The following CRB3 variants were observed in gnomAD, a reference collection of about 807,000 sequenced individuals.
CRB3 encodes the protein protein crumbs homolog 3.
In CRB3, 4 loss-of-function variants were observed where a neutral mutation model predicts 10.4. The ratio of observed to expected loss-of-function variants is 0.39; its 90% CI spans 0.19 to 0.88. The LOEUF is 0.88. Ranked by LOEUF, CRB3 falls within the 40% of genes least tolerant of loss-of-function variation. CRB3 has a pLI of 0.39. For missense variants in CRB3, 154 were observed against 160.2 expected (o/e 0.96, Z 0.21); for synonymous variants, 74 against 73.4 (o/e 1.01, Z -0.04).
At chr19:6,464,160 A>G (rs2092783948), upstream of CRB3, 1 of 151,792 alleles carries the variant, frequency 6.6e-6, no homozygotes, top group Non-Finnish European at 1.5e-5. The surrounding 1 kb of genome is among the most constrained non-coding windows in gnomAD (Gnocchi z 5.3). Context: ...CCCCTTCTTG[A>G]CTCCGCCCTC....
intron 2 of CRB3, chr19:6,465,006 T>G: frequency 6.1e-5 from 21 of 342,982 alleles, no homozygotes; most frequent in Non-Finnish European, 7.8e-5. Context: ...AGACCTGAGT[T>G]CCCCAGCGAG....
rs2145163379 is a variant in CRB3 at position 6,466,706 on chromosome 19, C to T, written c.*34C>T. ...GCCTGCTGCAGCCACCAACACTGCCCAGGACTGCGGGTTGCTGGCTTGTAC... is the reference window on the plus strand; with the variant it reads ...GCCTGCTGCAGCCACCAACACTGCCTAGGACTGCGGGTTGCTGGCTTGTAC... On this transcript the variant is annotated 3_prime_UTR_variant, in exon 4 of 4. Coordinates refer to ENST00000600229, the MANE Select transcript of CRB3 (RefSeq NM_139161.5). This position sits in a 1 kb window ranked among gnomAD's most constrained non-coding sequence, Gnocchi z 4.9. 2 of 1,588,608 alleles carry T rather than the reference C, an allele frequency of 1.3e-6. No homozygotes were observed. The highest frequency in any genetic ancestry group is 2.2e-5 in the South Asian group (2 of 90,058).
chr19:6,465,529 C>G lies in CRB3; in HGVS notation c.83-16C>G. 1 of 1,609,874 alleles carries G rather than the reference C, an allele frequency of 6.2e-7. No individual in the cohort carries two copies. The highest frequency in any genetic ancestry group is 1.1e-5 in the South Asian group (1 of 90,992). The stretch of plus-strand genomic sequence containing the variant: ...AAGATGGAGACTGAGTTATTCTCTG[C>G]CTTCACCCTCCACAGTACAGACCAC... On this transcript the variant is annotated splice_polypyrimidine_tract_variant and intron_variant, in intron 2 of 3. Coordinates refer to ENST00000600229, the MANE Select transcript of CRB3 (RefSeq NM_139161.5).
rs1334505932 is a variant in CRB3 at position 6,466,572 on chromosome 19, A to C, written c.263A>C (p.Gln88Pro). The change falls in exon 4 of 4, where the codon CAG becomes CCG. Residue 88 changes from glutamine to proline, a missense_variant. By Grantham distance (76) the Gln-to-Pro change is moderately conservative. Transcript: ENST00000600229. The surrounding 1 kb of genome is among the most constrained non-coding windows in gnomAD (Gnocchi z 4.9). ...LLVRKLREKR[Q>P]TEGTYRPSSE... ...GTGCGGAAGCTTCGGGAGAAGCGGC[A>C]GACGGAGGGCACCTACCGGCCCAGT... 6.2e-7 allele frequency: 1 copy of C among 1,610,838 alleles called. No homozygotes were observed. Among genetic ancestry groups the C allele is most frequent in the Non-Finnish European group, 8.5e-7 (1 of 1,179,982 alleles).
Position 6,465,669 on chromosome 19 carries a change from G to C in CRB3, c.156+51G>C, listed in dbSNP as rs777629723. 3.5e-6 allele frequency: 5 copies of C among 1,449,222 alleles called. No individual in the cohort carries two copies. The South Asian group carries it at 5.7e-5, about 17-fold the overall frequency. 89.8% of individuals were successfully genotyped at this position (1,449,222 alleles called of 1,614,324 possible). Reference sequence around the variant, plus strand: ...ATGGCAGCAAGGATGTTATCTAGGGGTCACACATATAGCATGTAGAGAGGA... The same window carrying C: ...ATGGCAGCAAGGATGTTATCTAGGGCTCACACATATAGCATGTAGAGAGGA... On this transcript the variant is annotated intron_variant, in intron 3 of 3. Coordinates refer to ENST00000600229, the MANE Select transcript of CRB3 (RefSeq NM_139161.5).
chr19:6,466,286 C>G lies in CRB3; in HGVS notation c.157-180C>G, dbSNP rs943209851. Among the ~76,000 whole-genome samples, 1 of 151,806 alleles carries G rather than the reference C, an allele frequency of 6.6e-6. No individual in the cohort carries two copies. The highest frequency in any genetic ancestry group is 2.4e-5 in the African/African-American group (1 of 41,312). ...CAGGTGGTGGGGAGCCTTCGCACCC[C>G]AGACAAGGTAGGTAGGGATCCAGGA... On this transcript the variant is annotated intron_variant, in intron 3 of 3. Coordinates refer to ENST00000600229, the MANE Select transcript of CRB3 (RefSeq NM_139161.5). The surrounding 1 kb of genome is among the most constrained non-coding windows in gnomAD (Gnocchi z 4.9).
chr19:6,465,925 G>A (rs1334563248), intron 3 of CRB3, among the ~76,000 whole-genome samples: 2 of 152,122 alleles, frequency 1.3e-5, no homozygotes, highest in Non-Finnish European at 2.9e-5. Flanking sequence ...TCCCGGCCGG[G>A]CGCGGTGGCT....
At position 6,466,642 on chromosome 19, in the gene CRB3, C is replaced by T; in HGVS notation, c.333C>T (p.Leu111=). 6.2e-7 allele frequency: 1 copy of T among 1,602,608 alleles called. No homozygotes were observed. The highest frequency in any genetic ancestry group is 8.5e-7 in the Non-Finnish European group (1 of 1,179,842). ...CCCGCGTGCCACCGACCCCCAACCT[C>T]AAGTTGCCGCCGGAAGAGCGGCTCA... ...VGARVPPTPN[L]KLPPEERLI The change falls in exon 4 of 4, where the codon CTC becomes CTT. Residue 111 remains leucine (L), a synonymous_variant. Transcript: ENST00000600229. The surrounding 1 kb of genome is among the most constrained non-coding windows in gnomAD (Gnocchi z 4.9).
Position 6,467,084 on chromosome 19 carries a change from T to G in CRB3, c.*412T>G. 1.4e-6 allele frequency: 2 copies of G among 1,466,034 alleles called. No individual in the cohort carries two copies. Among genetic ancestry groups the G allele is most frequent in the Non-Finnish European group, 1.9e-6 (2 of 1,049,920 alleles). The allele number at this position is 1,466,034 out of a possible 1,614,324, so 90.8% of individuals were successfully genotyped here. On this transcript the variant is annotated 3_prime_UTR_variant, in exon 4 of 4. Transcript: ENST00000600229. Reference sequence around the variant, plus strand: ...GTGACCTTGGGGAAAGGCAGTGCCCTCTCTGGGCAGTCAGATCCACCCAGT... The same window carrying G: ...GTGACCTTGGGGAAAGGCAGTGCCCGCTCTGGGCAGTCAGATCCACCCAGT...
rs1568389696 is a variant in CRB3 at position 6,466,455 on chromosome 19, CCT to C, written c.157-6_157-5del. On this transcript the variant is annotated splice_polypyrimidine_tract_variant and intron_variant, in intron 3 of 3. Coordinates refer to ENST00000600229, the MANE Select transcript of CRB3 (RefSeq NM_139161.5). This position sits in a 1 kb window ranked among gnomAD's most constrained non-coding sequence, Gnocchi z 4.9. ...AGGCTCAGGTGATTCACACCTGTCCCCTCTCTGCAGCGTCCAGAAGCCATCAC... is the reference window on the plus strand; with the variant it reads ...AGGCTCAGGTGATTCACACCTGTCCCCTCTGCAGCGTCCAGAAGCCATCAC... 1.9e-6 allele frequency: 3 copies of C among 1,612,976 alleles called. No homozygotes were observed. The highest frequency in any genetic ancestry group is 8.5e-7 in the Non-Finnish European group (1 of 1,179,724).
In CRB3 at chr19:6,464,884, G is replaced by A; in HGVS notation, c.82+101G>A. On this transcript the variant is annotated intron_variant, in intron 2 of 3. Transcript: ENST00000600229. The surrounding 1 kb of genome is among the most constrained non-coding windows in gnomAD (Gnocchi z 5.3). ...GCTGGGTATCTGGGGCGCAGAGAGG[G>A]TCAAGAATTGGGGAGCGGGGAAGAA... 4.8e-6 allele frequency: 3 copies of A among 626,794 alleles called. No individual in the cohort carries two copies. Among genetic ancestry groups the A allele is most frequent in the East Asian group, 3.4e-5 (1 of 28,986 alleles). 38.8% of individuals were successfully genotyped at this position (626,794 alleles called of 1,614,324 possible). A position where few individuals can be genotyped will look rare whatever the true frequency, so the allele number is the denominator to read the frequency against.
In CRB3 at chr19:6,465,630, G is replaced by A. The variant is rs1490938332; in HGVS notation, c.156+12G>A. ...CCGATGGCAACCTGGTGAGTTGGAGGTATATGTGGGAAGATGGCAGCAAGG... is the reference window on the plus strand; with the variant it reads ...CCGATGGCAACCTGGTGAGTTGGAGATATATGTGGGAAGATGGCAGCAAGG... On this transcript the variant is annotated intron_variant, in intron 3 of 3. Transcript: ENST00000600229. The A allele has an allele frequency of 6.2e-7, 1 of 1,606,492 alleles. No individual in the cohort carries two copies. The highest frequency in any genetic ancestry group is 8.5e-7 in the Non-Finnish European group (1 of 1,173,056).
Position 6,465,310 on chromosome 19 carries a change from T to A in CRB3, c.83-235T>A, listed in dbSNP as rs567413455. On this transcript the variant is annotated intron_variant, in intron 2 of 3. Coordinates refer to ENST00000600229, the MANE Select transcript of CRB3 (RefSeq NM_139161.5). ...GGTGAGTAGGGGAGGGGTGGACTTC[T>A]GGACACCCTACTGGGCTCTGCGGGA... The A allele has an allele frequency of 5.6e-4, 309 of 555,744 alleles. 4 individuals carry two copies. The South Asian group carries it at 6.5e-3, about 12-fold the overall frequency. 34.4% of individuals were successfully genotyped at this position (555,744 alleles called of 1,614,324 possible).
chr19:6,466,316 C>G lies in CRB3; in HGVS notation c.157-150C>G. The G allele has an allele frequency of 1.3e-6, 1 of 740,770 alleles. No individual in the cohort carries two copies. The highest frequency in any genetic ancestry group is 2.5e-5 in the East Asian group (1 of 40,608). The allele number at this position is 740,770 out of a possible 1,614,324, so 45.9% of individuals were successfully genotyped here. ...AAGGTAGGTAGGGATCCAGGAAGCC[C>G]CACTGTGGGGATCAGATCACCAAAA... On this transcript the variant is annotated intron_variant, in intron 3 of 3. Coordinates refer to ENST00000600229, the MANE Select transcript of CRB3 (RefSeq NM_139161.5). The surrounding 1 kb of genome is among the most constrained non-coding windows in gnomAD (Gnocchi z 4.9).
Position 6,465,597 on chromosome 19 carries a change from C to T in CRB3, c.135C>T (p.Ser45=). 2 of 1,613,964 alleles carry T rather than the reference C, an allele frequency of 1.2e-6. No homozygotes were observed. Among genetic ancestry groups the T allele is most frequent in the Non-Finnish European group, 1.7e-6 (2 of 1,179,836 alleles). Residue 45 remains serine, a synonymous_variant, in exon 3 of 4, where the codon AGC becomes AGT. Transcript: ENST00000600229. ...GCACTGTTTTGCCTTCATCCACCAG[C>T]TCCAGCTCCGATGGCAACCTGGTGA... ...ENSTVLPSST[S]SSSDGNLRPE...
Position 6,464,685 on chromosome 19 carries a change from A to G in CRB3, c.-17A>G. The G allele has an allele frequency of 8.1e-7, 1 of 1,233,804 alleles. No individual in the cohort carries two copies. Among genetic ancestry groups the G allele is most frequent in the Non-Finnish European group, 1.0e-6 (1 of 988,236 alleles). The allele number at this position is 1,233,804 out of a possible 1,614,324, so 76.4% of individuals were successfully genotyped here. A position where few individuals can be genotyped will look rare whatever the true frequency, so the allele number is the denominator to read the frequency against. On this transcript the variant is annotated 5_prime_UTR_variant, in exon 2 of 4. Coordinates refer to ENST00000600229, the MANE Select transcript of CRB3 (RefSeq NM_139161.5). The surrounding 1 kb of genome is among the most constrained non-coding windows in gnomAD (Gnocchi z 5.3). Reference sequence around the variant, plus strand: ...GAGAAGCCCCTTCCTCGGCGCTGCCAACCCGCCACCCAGCCCATGGCGAAC... The same window carrying G: ...GAGAAGCCCCTTCCTCGGCGCTGCCGACCCGCCACCCAGCCCATGGCGAAC...
In CRB3 at chr19:6,467,101, C is replaced by A. The variant is rs1004698440; in HGVS notation, c.*429C>A. On this transcript the variant is annotated 3_prime_UTR_variant, in exon 4 of 4. Coordinates refer to ENST00000600229, the MANE Select transcript of CRB3 (RefSeq NM_139161.5). ...CAGTGCCCTCTCTGGGCAGTCAGAT[C>A]CACCCAGTGCTTAATAGCAGGGAAG... is the stretch of plus-strand genomic sequence containing the variant. The A allele has an allele frequency of 7.8e-7, 1 of 1,286,184 alleles. No homozygotes were observed. Among genetic ancestry groups the A allele is most frequent in the Non-Finnish European group, 1.1e-6 (1 of 894,844 alleles). The allele number at this position is 1,286,184 out of a possible 1,614,324, so 79.7% of individuals were successfully genotyped here. A position where few individuals can be genotyped will look rare whatever the true frequency, so the allele number is the denominator to read the frequency against.
intron 3 of CRB3, among the ~76,000 whole-genome samples, 158 bp downstream of exon 3, chr19:6,465,776 CAAG>C (rs1470260625): frequency 1.3e-5 from 2 of 152,172 alleles, no homozygotes; most frequent in Admixed American, 1.3e-4. Context: ...AGTCTTAGAC[CAAG>C]AAGACTAGGA....
Position 6,465,489 on chromosome 19 carries a change from C to G in CRB3, c.83-56C>G, listed in dbSNP as rs564028349. 37 of 1,458,024 alleles carry G rather than the reference C, an allele frequency of 2.5e-5. 1 individual carries two copies. In the South Asian group the frequency reaches 4.0e-4, roughly 16 times the overall value. 90.3% of individuals were successfully genotyped at this position (1,458,024 alleles called of 1,614,324 possible). A position where few individuals can be genotyped will look rare whatever the true frequency, so the allele number is the denominator to read the frequency against. On this transcript the variant is annotated intron_variant, in intron 2 of 3. Coordinates refer to ENST00000600229, the MANE Select transcript of CRB3 (RefSeq NM_139161.5). ...AATGCCCAAAGCAGGTGCAGATGGG[C>G]GGGGATGGGAGAGAAAGATGGAGAC...
Sources: allele counts gnomAD v4.1 joint callset (sites outside exome capture counted in the v4.1 genomes callset), GRCh38; gene constraint gnomAD v4.1.1; non-coding constraint Gnocchi (gnomAD v3.1); transcripts MANE v1.5; gene names NCBI Gene and HGNC (gene_info 2026-07-23, HGNC 2026-07-21).